Variants in SFI1 observed in about 807,000 individuals in gnomAD.
SFI1 encodes the protein SFI1 centrin binding protein.
In SFI1, 195 loss-of-function variants were observed where a neutral mutation model predicts 207.5. That is an observed-to-expected ratio of 0.94 (90% CI 0.84 to 1.06). SFI1 has a LOEUF of 1.06. Among genes scored for constraint, SFI1 ranks in the 50% least tolerant of loss-of-function variants. The pLI is 0.00. For missense variants in SFI1, 1,634 were observed against 1,588.0 expected (o/e 1.03, Z -0.49); for synonymous variants, 630 against 598.9 (o/e 1.05, Z -0.76).
chr22:31,539,112 T>G (rs1431620374), intron 4 of SFI1, among the ~76,000 whole-genome samples: 1 of 152,178 alleles, frequency 6.6e-6, no homozygotes, highest in Non-Finnish European at 1.5e-5. Context: ...TATGCCAAAA[T>G]CATGTTGCTT....
At chr22:31,576,214 G>A (rs1243252826) in intron 10 of SFI1, among the ~76,000 whole-genome samples, 2 of 151,840 alleles carry the variant, frequency 1.3e-5, no homozygotes, top group Non-Finnish European at 2.9e-5. Context: ...TAGTAGAGAC[G>A]GGGTTTCGCC....
intron 1 of SFI1, chr22:31,497,111 G>T (rs185093602): frequency 6.6e-6 from 1 of 152,260 alleles, no homozygotes; most frequent in Admixed American, 6.5e-5. Flanking sequence ...CCTTCCCCGC[G>T]TGGGAGGTGG....
intron 4 of SFI1, among the ~76,000 whole-genome samples, chr22:31,540,286 A>G (rs1159078034): frequency 1.3e-5 from 2 of 148,240 alleles, no homozygotes; most frequent in South Asian, 4.3e-4. Context: ...ATTTATTTTT[A>G]TTTTATTTTA....
At chr22:31,509,352 A>G (rs2055150345) in intron 2 of SFI1, among the ~76,000 whole-genome samples, 1 of 152,218 alleles carries the variant, frequency 6.6e-6, no homozygotes, top group Non-Finnish European at 1.5e-5. Context: ...AAAATAGGGA[A>G]GCCAACAGTG....
chr22:31,498,856 T>C (rs1045956910), intron 1 of SFI1, among the ~76,000 whole-genome samples: 10 of 117,292 alleles, frequency 8.5e-5, no homozygotes, highest in African/African-American at 3.5e-4. Flanking sequence ...TGGCTTCTTT[T>C]TTTCTTTTTT....
At chr22:31,601,904 C>A (rs762023040) in intron 15 of SFI1, among the ~76,000 whole-genome samples, 2 of 151,980 alleles carry the variant, frequency 1.3e-5, no homozygotes, top group Non-Finnish European at 2.9e-5. Flanking sequence ...GCGATCCCCC[C>A]ACCTCAGCCT....
At chr22:31,497,218 AG>A (rs2052831694) in intron 1 of SFI1, 1 of 152,266 alleles carries the variant, frequency 6.6e-6, no homozygotes, top group African/African-American at 2.4e-5. Context: ...ACTTGAGTAC[AG>A]CCATACCTCG....
chr22:31,584,783 G>A (rs1261284925), intron 13 of SFI1, among the ~76,000 whole-genome samples: 1 of 152,006 alleles, frequency 6.6e-6, no homozygotes, highest in Non-Finnish European at 1.5e-5. Flanking sequence ...AGGATATCTA[G>A]GGGATTTCAC....
intron 10 of SFI1, chr22:31,578,168 G>A (rs568760550): frequency 1.1e-4 from 39 of 367,992 alleles, no homozygotes; most frequent in Middle Eastern, 7.1e-4. Context: ...CATTCAAGGG[G>A]AGGAATGCAA....
At chr22:31,505,570 A>T (rs2054506977) in intron 1 of SFI1, among the ~76,000 whole-genome samples, 1 of 151,680 alleles carries the variant, frequency 6.6e-6, no homozygotes. Context: ...ACAGTCAGCT[A>T]TGAGAACACC....
At chr22:31,606,262 C>A in intron 20 of SFI1, 66 bp from the exon 21 acceptor site, 1 of 1,445,168 alleles carries the variant, frequency 6.9e-7, no homozygotes, top group Non-Finnish European at 9.7e-7. Context: ...AGGAATGATT[C>A]ACAGAAGCCT....
chr22:31,582,217 T>TATATATAA (rs2064321365), intron 12 of SFI1, among the ~76,000 whole-genome samples: 1 of 35,824 alleles, frequency 2.8e-5, no homozygotes, highest in African/African-American at 1.0e-4. Flanking sequence ...TATATATATA[T>TATATATAA]ATATATATAT....
intron 1 of SFI1, among the ~76,000 whole-genome samples, chr22:31,507,699 A>G (rs980010993): frequency 6.6e-6 from 1 of 152,154 alleles, no homozygotes; most frequent in African/African-American, 2.4e-5. Context: ...ATGAACAGAC[A>G]CTTTTCAAAA....
rs1434240866 is a variant in SFI1 at position 31,617,058 on chromosome 22, G to C, written c.3492G>C (p.Gln1164His). 6.2e-7 allele frequency: 1 copy of C among 1,614,046 alleles called. No homozygotes were observed. The highest frequency in any genetic ancestry group is 1.7e-5 in the Admixed American group (1 of 60,008). Reference sequence around the variant, plus strand: ...TCCAGCAGCAACTACTGCACTACCAGACCACCAAGCAGAACCTCTGGTGAG... The same window carrying C: ...TCCAGCAGCAACTACTGCACTACCACACCACCAAGCAGAACCTCTGGTGAG... ...EEIQQQLLHYQTTKQNLWSCR... is the reference protein window; with the variant it reads ...EEIQQQLLHYHTTKQNLWSCR... Residue 1164 changes from glutamine to histidine, a missense_variant, in exon 31 of 33, where the codon CAG (glutamine) becomes CAC (histidine). Transcript: ENST00000400288.
chr22:31,601,082 C>T (rs2146957760), intron 15 of SFI1, among the ~76,000 whole-genome samples: 1 of 150,400 alleles, frequency 6.6e-6, no homozygotes, highest in East Asian at 2.0e-4. Flanking sequence ...TAGGCCTAGG[C>T]AGAGATGACA....
At chr22:31,529,732 G>C (rs1602202427) in intron 3 of SFI1, among the ~76,000 whole-genome samples, 1 of 152,272 alleles carries the variant, frequency 6.6e-6, no homozygotes, top group African/African-American at 2.4e-5. Flanking sequence ...AATACGGCGA[G>C]AACAGCCACA....
intron 2 of SFI1, among the ~76,000 whole-genome samples, chr22:31,525,283 A>C (rs2057774358): frequency 6.6e-6 from 1 of 152,044 alleles, no homozygotes; most frequent in Non-Finnish European, 1.5e-5. Flanking sequence ...TGGATCTTAC[A>C]TTTAGGTCTT....
At chr22:31,556,817 C>T in intron 6 of SFI1, 125 bp from the exon 7 acceptor site, 1 of 574,782 alleles carries the variant, frequency 1.7e-6, no homozygotes. Flanking sequence ...ACAACTTTTC[C>T]AGCAGGGGTC....
chr22:31,522,208 C>T (rs2057364806), intron 2 of SFI1, among the ~76,000 whole-genome samples: 1 of 151,660 alleles, frequency 6.6e-6, no homozygotes, highest in African/African-American at 2.4e-5. Flanking sequence ...GCTGGGATTA[C>T]AGGCGCGTGC....
Sources: allele counts gnomAD v4.1 joint callset (sites outside exome capture counted in the v4.1 genomes callset), GRCh38; gene constraint gnomAD v4.1.1; transcripts MANE v1.5; gene names NCBI Gene and HGNC (gene_info 2026-07-23, HGNC 2026-07-21).